RGS6: variants seen among roughly 807,000 people sequenced by gnomAD.
RGS6 encodes the protein regulator of G protein signaling 6.
RGS6 carries 30 observed loss-of-function variants against 78.5 expected under a neutral mutation model. That is an observed-to-expected ratio of 0.38 (90% confidence interval 0.29 to 0.52). The LOEUF (loss-of-function observed/expected upper bound fraction) is 0.52, where lower values mean the gene tolerates loss of function less well. RGS6 is among the 20% of genes least tolerant of loss of function. The pLI is 0.85. For missense variants in RGS6, 495 were observed against 609.7 expected, an observed-to-expected ratio of 0.81 and a Z score of 1.98; for synonymous variants, 206 against 206.0, an observed-to-expected ratio of 1.00 and a Z score of 0.00.
At chr14:72,629,857 G>GA in the RGS6 span, 9 of 789,208 alleles carry the variant, frequency 1.1e-5, no homozygotes, top group South Asian at 1.2e-4. Flanking sequence ...ATGACGTAGG[G>GA]AAAAAAATGG....
the RGS6 span, among the ~76,000 whole-genome samples, chr14:72,624,448 C>T: frequency 6.7e-6 from 1 of 149,762 alleles, no homozygotes; most frequent in African/African-American, 2.4e-5. Flanking sequence ...AAGCAATTCT[C>T]CTGCCTCAGC....
Position 72,458,341 on chromosome 14 carries a change from C to T in RGS6, c.306C>T (p.Leu102=). Reference sequence around the variant, plus strand: ...TCTTTCCAATCTCAGACCATGTTCTCACCATGAAGGATGATGGCACCTTTT... The same window carrying T: ...TCTTTCCAATCTCAGACCATGTTCTTACCATGAAGGATGATGGCACCTTTT... The part of the protein sequence containing the change: ...GYIFPISDHV[L]TMKDDGTFYR... Residue 102 remains leucine, a synonymous_variant, in exon 5 of 18, where the codon CTC becomes CTT. Coordinates refer to ENST00000553525, the MANE Select transcript of RGS6 (RefSeq NM_001204424.2). 6 of 1,614,190 alleles carry T rather than the reference C, an allele frequency of 3.7e-6. No homozygotes were observed. Among genetic ancestry groups the T allele is most frequent in the Non-Finnish European group, 4.2e-6 (5 of 1,180,010 alleles).
At chr14:71,885,884 T>TTTCCTTCC in the RGS6 span, among the ~76,000 whole-genome samples, 3 of 151,764 alleles carry the variant, frequency 2.0e-5, no homozygotes, top group African/African-American at 7.3e-5. Context: ...AAATTCTTTC[T>TTTCCTTCC]TTCCTTCCTT....
intron 2 of RGS6, among the ~76,000 whole-genome samples, chr14:72,276,332 T>C (rs912893646): frequency 6.6e-6 from 1 of 152,208 alleles, no homozygotes; most frequent in African/African-American, 2.4e-5. Flanking sequence ...TGTAGCCCCC[T>C]AAGGGAGCCA....
intron 5 of RGS6, 31 bp downstream of exon 5, chr14:72,458,408 C>G (rs374592987): frequency 1.3e-6 from 2 of 1,482,184 alleles, no homozygotes; most frequent in Non-Finnish European, 1.9e-6. Context: ...TCCTGAAGAA[C>G]CTTTTCTTCA....
intron 13 of RGS6, among the ~76,000 whole-genome samples, chr14:72,506,729 T>C (rs968749181): frequency 6.6e-6 from 1 of 152,172 alleles, no homozygotes; most frequent in African/African-American, 2.4e-5. Context: ...TAAAAATTCA[T>C]GTCTTTCCCA....
At chr14:72,605,669 A>C in the RGS6 span, among the ~76,000 whole-genome samples, 1 of 152,202 alleles carries the variant, frequency 6.6e-6, no homozygotes, top group Admixed American at 6.5e-5. Flanking sequence ...AGGAATGGAC[A>C]GAGTGGACCC....
At chr14:72,414,094 T>G (rs2093627205) in intron 3 of RGS6, among the ~76,000 whole-genome samples, 1 of 152,220 alleles carries the variant, frequency 6.6e-6, no homozygotes, top group Admixed American at 6.5e-5. Context: ...TCTCTGTATT[T>G]CCTGAATTTG....
At chr14:72,112,961 G>C (rs1335407668) in intron 2 of RGS6, among the ~76,000 whole-genome samples, 2 of 152,240 alleles carry the variant, frequency 1.3e-5, no homozygotes, top group Non-Finnish European at 2.9e-5. Context: ...GCAGAAAACA[G>C]TTCTCTTATG....
intron 2 of RGS6, among the ~76,000 whole-genome samples, chr14:72,162,825 T>C (rs1326300178): frequency 6.6e-6 from 1 of 152,160 alleles, no homozygotes; most frequent in African/African-American, 2.4e-5. Context: ...TATATATACA[T>C]ATACATATGT....
chr14:72,348,705 TC>T (rs2078526383), intron 2 of RGS6, among the ~76,000 whole-genome samples: 1 of 152,242 alleles, frequency 6.6e-6, no homozygotes, highest in Non-Finnish European at 1.5e-5. Flanking sequence ...ATTTCTGCGT[TC>T]TTAGAAAGGG....
intron 2 of RGS6, among the ~76,000 whole-genome samples, chr14:72,297,045 A>G (rs1442739277): frequency 2.0e-5 from 3 of 152,220 alleles, no homozygotes; most frequent in East Asian, 1.9e-4. Context: ...TTCTTTTTCA[A>G]TTGAATTGCT....
intron 14 of RGS6, chr14:72,515,570 G>T (rs1052044421): frequency 5.9e-5 from 9 of 152,326 alleles, no homozygotes; most frequent in African/African-American, 1.7e-4. Context: ...GGAGGCTGAG[G>T]CAGGAGAATA....
intron 2 of RGS6, among the ~76,000 whole-genome samples, chr14:72,320,490 A>G (rs1056229586): frequency 6.6e-6 from 1 of 152,206 alleles, no homozygotes; most frequent in Admixed American, 6.5e-5. Flanking sequence ...AGGCAGGAGA[A>G]TGGCGTGAAC....
At chr14:71,926,846 C>T in the RGS6 span, among the ~76,000 whole-genome samples, 1 of 152,216 alleles carries the variant, frequency 6.6e-6, no homozygotes, top group Non-Finnish European at 1.5e-5. Context: ...TCAATGGACA[C>T]ATATTGACTC....
chr14:71,936,721 T>C (rs1023955741), intron 1 of RGS6, among the ~76,000 whole-genome samples: 16 of 152,100 alleles, frequency 1.1e-4, no homozygotes, highest in East Asian at 1.9e-4. Context: ...ATAAATCTTA[T>C]GTCACATGAT....
chr14:72,076,349 T>C (rs942055331), intron 2 of RGS6, among the ~76,000 whole-genome samples: 17 of 152,218 alleles, frequency 1.1e-4, no homozygotes, highest in Non-Finnish European at 2.4e-4. Flanking sequence ...TTCAGTATAG[T>C]TTTTAATAGA....
At chr14:72,524,847 G>A (rs1421127365) in intron 15 of RGS6, among the ~76,000 whole-genome samples, 3 of 152,152 alleles carry the variant, frequency 2.0e-5, no homozygotes, top group African/African-American at 7.2e-5. Flanking sequence ...TGTCCTTTAA[G>A]TGGACTGATA....
At chr14:72,065,789 T>C (rs1204854817) in intron 2 of RGS6, among the ~76,000 whole-genome samples, 1 of 152,140 alleles carries the variant, frequency 6.6e-6, no homozygotes, top group African/African-American at 2.4e-5. Flanking sequence ...TTTTTTATTA[T>C]ACTTTAAGTT....
Sources: allele counts gnomAD v4.1 joint callset (sites outside exome capture counted in the v4.1 genomes callset), GRCh38; gene constraint gnomAD v4.1.1; transcripts MANE v1.5; gene names NCBI Gene and HGNC (gene_info 2026-07-23, HGNC 2026-07-21).